TEAD1: variants seen among roughly 807,000 people sequenced by gnomAD.
TEAD1 encodes the protein transcriptional enhancer factor TEF-1.
Under a neutral mutation model 54.9 loss-of-function variants are expected in TEAD1, and 9 were observed. The observed-to-expected ratio is 0.16, with a 90% CI of 0.10 to 0.29. TEAD1 has a LOEUF of 0.29. TEAD1 is among the 10% of genes least tolerant of loss of function. TEAD1 has a pLI of 1.00. For synonymous variants in TEAD1, 200 were observed against 187.8 expected, an observed-to-expected ratio of 1.07 and a Z score of -0.53; for missense variants, 387 against 535.9, an observed-to-expected ratio of 0.72 and a Z score of 2.74.
intron 2 of TEAD1, among the ~76,000 whole-genome samples, chr11:12,726,356 TTG>T (rs2133872509): frequency 6.6e-6 from 1 of 152,186 alleles, no homozygotes; most frequent in East Asian, 1.9e-4. Flanking sequence ...TGGTAAAAGG[TTG>T]TATGTGCTTG....
intron 2 of TEAD1, among the ~76,000 whole-genome samples, chr11:12,680,751 C>A (rs1344548830): frequency 6.6e-6 from 1 of 152,152 alleles, no homozygotes; most frequent in African/African-American, 2.4e-5. Flanking sequence ...GCTAATGGCA[C>A]AAAATAAAAT....
At chr11:12,815,069 A>G (rs1169504823) in intron 3 of TEAD1, among the ~76,000 whole-genome samples, 1 of 152,224 alleles carries the variant, frequency 6.6e-6, no homozygotes, top group Non-Finnish European at 1.5e-5. Context: ...GGAAAGACGC[A>G]GGCAAGCTGG....
At chr11:12,831,506 A>G (rs759195659) in intron 3 of TEAD1, among the ~76,000 whole-genome samples, 1 of 152,150 alleles carries the variant, frequency 6.6e-6, no homozygotes, top group African/African-American at 2.4e-5. Flanking sequence ...ATGGTTTTTA[A>G]AAATAGGGTT....
intron 2 of TEAD1, among the ~76,000 whole-genome samples, chr11:12,703,950 TA>T (rs1943759610): frequency 6.6e-6 from 1 of 152,222 alleles, no homozygotes. Flanking sequence ...GCAAATTGGC[TA>T]AAACCCTAAA....
At chr11:12,879,317 C>G in intron 5 of TEAD1, 3 of 425,260 alleles carry the variant, frequency 7.1e-6, no homozygotes, top group Admixed American at 3.6e-5. Context: ...TCTCTTCTCT[C>G]ACTCCTCCTC....
chr11:12,751,510 T>TGTGTACTTATTTGTCTC (rs1944869749), intron 2 of TEAD1, among the ~76,000 whole-genome samples: 1 of 152,086 alleles, frequency 6.6e-6, no homozygotes, highest in African/African-American at 2.4e-5. Context: ...CTTGCAGGTA[T>TGTGTACTTATTTGTCTC]GTGTACTTAT....
At chr11:12,676,393 C>T (rs1943088857) in intron 2 of TEAD1, among the ~76,000 whole-genome samples, 2 of 152,200 alleles carry the variant, frequency 1.3e-5, no homozygotes, top group South Asian at 4.1e-4. Context: ...CCTTTCTCTG[C>T]AGGCTGCAGT....
At chr11:12,746,878 G>A (rs1944756423) in intron 2 of TEAD1, among the ~76,000 whole-genome samples, 1 of 152,226 alleles carries the variant, frequency 6.6e-6, no homozygotes, top group African/African-American at 2.4e-5. Flanking sequence ...GCTGCAGCAG[G>A]GGCTGGGATG....
chr11:12,771,396 C>T (rs776584708), intron 3 of TEAD1, among the ~76,000 whole-genome samples: 4 of 152,166 alleles, frequency 2.6e-5, no homozygotes, highest in Non-Finnish European at 5.9e-5. Flanking sequence ...GTAGGAGAGC[C>T]TGAGGCCTGC....
chr11:12,885,886 G>T (rs374767818), intron 9 of TEAD1, among the ~76,000 whole-genome samples: 1 of 152,206 alleles, frequency 6.6e-6, no homozygotes, highest in South Asian at 2.1e-4. Flanking sequence ...GCAAGAAGCT[G>T]TACAGGAGAG....
chr11:12,886,296 G>C (rs1054077632), intron 9 of TEAD1, among the ~76,000 whole-genome samples: 1 of 152,168 alleles, frequency 6.6e-6, no homozygotes, highest in Admixed American at 6.5e-5. Flanking sequence ...ACTGGATCTG[G>C]CCTGCTGTTG....
intron 5 of TEAD1, among the ~76,000 whole-genome samples, chr11:12,871,890 G>C (rs1437429032): frequency 6.6e-6 from 1 of 152,184 alleles, no homozygotes; most frequent in African/African-American, 2.4e-5. Flanking sequence ...AGAAAAACCT[G>C]TACTTGCTGA....
intron 2 of TEAD1, among the ~76,000 whole-genome samples, chr11:12,731,830 C>G (rs1218881716): frequency 1.3e-5 from 2 of 152,214 alleles, no homozygotes; most frequent in South Asian, 4.1e-4. Flanking sequence ...GTCCCCATTT[C>G]TCTTAGGATA....
intron 2 of TEAD1, among the ~76,000 whole-genome samples, chr11:12,717,189 C>T (rs956547117): frequency 6.6e-6 from 1 of 152,178 alleles, no homozygotes; most frequent in Non-Finnish European, 1.5e-5. Flanking sequence ...AATAAGTAGC[C>T]AGCAGAATTG....
chr11:12,826,694 C>G (rs1231470666), intron 3 of TEAD1, among the ~76,000 whole-genome samples: 2 of 152,130 alleles, frequency 1.3e-5, no homozygotes, highest in Non-Finnish European at 2.9e-5. Context: ...AATTCCTTTT[C>G]TCTTAGTGTT....
intron 12 of TEAD1, among the ~76,000 whole-genome samples, chr11:12,930,886 G>A (rs1024237556): frequency 6.6e-6 from 1 of 152,194 alleles, no homozygotes; most frequent in Admixed American, 6.5e-5. Flanking sequence ...GAAAATATAA[G>A]CTCTCAGTAC....
intron 2 of TEAD1, among the ~76,000 whole-genome samples, chr11:12,740,119 T>G (rs922406760): frequency 6.6e-6 from 1 of 152,204 alleles, no homozygotes; most frequent in African/African-American, 2.4e-5. Flanking sequence ...TATGTGGTGG[T>G]TATCAATTAA....
At chr11:12,789,450 T>C (rs1945750167) in intron 3 of TEAD1, among the ~76,000 whole-genome samples, 1 of 152,234 alleles carries the variant, frequency 6.6e-6, no homozygotes, top group Non-Finnish European at 1.5e-5. Flanking sequence ...AGTGAGACCA[T>C]ACAGTTTATG....
intron 3 of TEAD1, among the ~76,000 whole-genome samples, chr11:12,786,868 G>C (rs1564939655): frequency 6.6e-6 from 1 of 152,146 alleles, no homozygotes; most frequent in Non-Finnish European, 1.5e-5. Context: ...GAAGATGAGG[G>C]ATTGAGGGGA....
Sources: allele counts gnomAD v4.1 joint callset (sites outside exome capture counted in the v4.1 genomes callset), GRCh38; gene constraint gnomAD v4.1.1; transcripts MANE v1.5; gene names NCBI Gene and HGNC (gene_info 2026-07-23, HGNC 2026-07-21).